CSMD1: variants seen among roughly 807,000 people sequenced by gnomAD.
CSMD1 encodes the protein CUB and Sushi multiple domains 1.
In CSMD1, 213 loss-of-function variants were observed where a neutral mutation model predicts 417.5. The observed-to-expected ratio is 0.51, with a 90% CI of 0.46 to 0.57. The LOEUF (loss-of-function observed/expected upper bound fraction) is 0.57, where lower values mean the gene tolerates loss of function less well. Ranked by LOEUF, CSMD1 falls within the 20% of genes least tolerant of loss-of-function variation. The pLI, the probability that CSMD1 is intolerant of heterozygous loss-of-function variation, is 0.00. For synonymous variants in CSMD1, 2,862 were observed against 1,736.8 expected (o/e 1.65, Z -16.11); for missense variants, 6,923 against 4,529.7 (o/e 1.53, Z -15.17).
At chr8:3,219,715 T>C (rs1798091708) in intron 28 of CSMD1, among the ~76,000 whole-genome samples, 3 of 152,182 alleles carry the variant, frequency 2.0e-5, no homozygotes, top group Non-Finnish European at 2.9e-5. Flanking sequence ...TAAGTCATAA[T>C]AGCAGAGGTA....
chr8:3,589,705 T>C (rs1322366343), intron 8 of CSMD1, among the ~76,000 whole-genome samples: 2 of 152,194 alleles, frequency 1.3e-5, no homozygotes, highest in African/African-American at 4.8e-5. Flanking sequence ...CTGTAGTTAA[T>C]AACAGCATAT....
chr8:4,346,732 A>T (rs981673778), intron 3 of CSMD1, among the ~76,000 whole-genome samples: 2 of 152,270 alleles, frequency 1.3e-5, no homozygotes, highest in Admixed American at 1.3e-4. Context: ...TATATTTTAG[A>T]TATAAAAATA....
intron 17 of CSMD1, among the ~76,000 whole-genome samples, chr8:3,389,609 CTTAGAATAAG>C: frequency 6.6e-6 from 1 of 151,930 alleles, no homozygotes; most frequent in East Asian, 1.9e-4. Context: ...GAACGATTAT[CTTAGAATAAG>C]TGAGGATTAT....
intron 7 of CSMD1, among the ~76,000 whole-genome samples, chr8:3,665,465 G>A (rs181242602): frequency 4.9e-4 from 74 of 152,194 alleles, no homozygotes; most frequent in African/African-American, 1.6e-3. Flanking sequence ...GGAGACGGAG[G>A]TTGCAGTGAG....
chr8:2,971,992 T>C (rs564344684), intron 57 of CSMD1, among the ~76,000 whole-genome samples: 2 of 152,082 alleles, frequency 1.3e-5, no homozygotes, highest in African/African-American at 2.4e-5. Context: ...TATATATACA[T>C]ATATAGTCAA....
intron 1 of CSMD1, among the ~76,000 whole-genome samples, chr8:4,644,534 G>C (rs1404737489): frequency 6.6e-6 from 1 of 152,128 alleles, no homozygotes; most frequent in African/African-American, 2.4e-5. Context: ...AACCTCCAGA[G>C]TAGCTGGGAT....
At chr8:3,957,793 T>C (rs915396531) in intron 5 of CSMD1, among the ~76,000 whole-genome samples, 3 of 152,064 alleles carry the variant, frequency 2.0e-5, no homozygotes, top group African/African-American at 7.2e-5. Context: ...AAGAATAATG[T>C]TGTTAGTTTC....
intron 3 of CSMD1, among the ~76,000 whole-genome samples, chr8:4,268,732 C>A (rs547957609): frequency 4.0e-5 from 6 of 151,394 alleles, no homozygotes. Context: ...AATACCCCCA[C>A]TTAATTCTAT....
rs771057091 is a variant in CSMD1, at chr8:3,052,685, A to G, written c.7475-38T>C. 8 of 1,426,330 alleles carry G rather than the reference A, an allele frequency of 5.6e-6. 1 individual carries two copies. In the South Asian group the frequency reaches 1.2e-4, roughly 21 times the overall value. The allele number at this position is 1,426,330 out of a possible 1,614,324, so 88.4% of individuals were successfully genotyped here. A position where few individuals can be genotyped will look rare whatever the true frequency, so the allele number is the denominator to read the frequency against. ...GAAACAAATGTAGGCTTATTCTTAC[A>G]GAAATTATTTTCCAGCTATTAAAAC... On this transcript the variant is annotated intron_variant, in intron 49 of 69. Coordinates refer to ENST00000635120, the MANE Select transcript of CSMD1 (RefSeq NM_033225.6).
At chr8:4,223,549 C>G (rs974648584) in intron 3 of CSMD1, among the ~76,000 whole-genome samples, 2 of 152,230 alleles carry the variant, frequency 1.3e-5, no homozygotes, top group East Asian at 1.9e-4. Context: ...ACCAGGAGAG[C>G]TGGCCTGCAA....
At chr8:3,684,057 A>G (rs1799805930) in intron 7 of CSMD1, among the ~76,000 whole-genome samples, 1 of 149,562 alleles carries the variant, frequency 6.7e-6, no homozygotes, top group Non-Finnish European at 1.5e-5. Flanking sequence ...TAATGTAGTG[A>G]TAGTTACTCT....
intron 3 of CSMD1, among the ~76,000 whole-genome samples, chr8:4,317,610 AGAGAGAAAGAGAG>A (rs1799010202): frequency 9.8e-3 from 2 of 204 alleles, no homozygotes; most frequent in African/African-American, 0.032. Context: ...GAGGGGAGAG[AGAGAGAAAGAGAG>A]AGAGAGAGAG....
At chr8:3,431,485 G>C (rs1381733665) in intron 12 of CSMD1, among the ~76,000 whole-genome samples, 3 of 152,026 alleles carry the variant, frequency 2.0e-5, no homozygotes, top group South Asian at 2.1e-4. Context: ...TATTCATCTT[G>C]CCGCCTCCCT....
intron 1 of CSMD1, among the ~76,000 whole-genome samples, chr8:4,872,223 G>C (rs1202241703): frequency 6.6e-6 from 1 of 152,010 alleles, no homozygotes; most frequent in East Asian, 1.9e-4. Context: ...CTTGGAGTTG[G>C]GACGACAATA....
chr8:4,756,552 T>C (rs1457884737), intron 1 of CSMD1, among the ~76,000 whole-genome samples: 1 of 152,222 alleles, frequency 6.6e-6, no homozygotes, highest in Non-Finnish European at 1.5e-5. Flanking sequence ...GAGGTATGTA[T>C]AATGCTATTG....
At chr8:3,475,375 T>C (rs1817346789) in intron 11 of CSMD1, among the ~76,000 whole-genome samples, 1 of 152,072 alleles carries the variant, frequency 6.6e-6, no homozygotes, top group African/African-American at 2.4e-5. Context: ...TAAATAAAAA[T>C]ATAAATTAAC....
intron 5 of CSMD1, among the ~76,000 whole-genome samples, chr8:3,976,187 G>C (rs561670763): frequency 2.2e-4 from 33 of 151,662 alleles, no homozygotes; most frequent in Middle Eastern, 3.4e-3. Context: ...GATAACTTAT[G>C]CTTATTTTAA....
intron 36 of CSMD1, 41 bp from the exon 37 acceptor site, chr8:3,181,255 A>G (rs762536470): frequency 7.6e-7 from 1 of 1,308,176 alleles, no homozygotes; most frequent in Non-Finnish European, 1.1e-6. Context: ...CACTACAAAT[A>G]CATTCACTTT....
chr8:3,776,807 G>A (rs796273615), intron 5 of CSMD1, among the ~76,000 whole-genome samples: 3 of 139,938 alleles, frequency 2.1e-5, no homozygotes, highest in Admixed American at 2.1e-4. Flanking sequence ...ATATAGACGA[G>A]ATATATATAT....
Sources: allele counts gnomAD v4.1 joint callset (sites outside exome capture counted in the v4.1 genomes callset), GRCh38; gene constraint gnomAD v4.1.1; transcripts MANE v1.5; gene names NCBI Gene and HGNC (gene_info 2026-07-23, HGNC 2026-07-21).